The following CDK5RAP2 variants were observed in gnomAD, a reference collection of about 807,000 sequenced individuals.
The protein encoded by CDK5RAP2 is CDK5 regulatory subunit associated protein 2.
CDK5RAP2 carries 147 observed loss-of-function variants against 232.9 expected under a neutral mutation model. That is an observed-to-expected ratio of 0.63 (90% CI 0.55 to 0.72). CDK5RAP2 has a LOEUF of 0.72. Ranked by LOEUF, CDK5RAP2 falls within the 30% of genes least tolerant of loss-of-function variation. CDK5RAP2 has a pLI of 0.00. For missense variants in CDK5RAP2, 2,195 were observed against 2,231.5 expected (o/e 0.98, Z 0.33); for synonymous variants, 833 against 833.7 (o/e 1.00, Z 0.01).
At chr9:120,540,574 T>C (rs7875141) in intron 5 of CDK5RAP2, among the ~76,000 whole-genome samples, 129,000 of 152,198 alleles carry the variant, frequency 0.85, 55,639 homozygotes, top group Non-Finnish European at 0.93. Context: ...CAGTGTCATA[T>C]CATTTTAATG....
intron 2 of CDK5RAP2, among the ~76,000 whole-genome samples, chr9:120,570,959 C>T (rs117399073): frequency 0.015 from 2,290 of 152,238 alleles, 20 homozygotes; most frequent in Non-Finnish European, 0.023. Context: ...TCCAGGAATT[C>T]GAGACCAGAC....
chr9:120,397,544 TA>T (rs760469422), intron 35 of CDK5RAP2, among the ~76,000 whole-genome samples: 540 of 49,210 alleles, frequency 0.011, 2 homozygotes, highest in Non-Finnish European at 0.014. Flanking sequence ...AAAACATTCT[TA>T]AAAAAAAAAA....
Position 120,403,464 on chromosome 9 carries a change from G to A in CDK5RAP2, c.5042-393C>T. On this transcript the variant is annotated intron_variant, in intron 33 of 37. Transcript: ENST00000349780. This position sits in a 1 kb window ranked among gnomAD's most constrained non-coding sequence, Gnocchi z 4.2. ...CCAGAAAAAACAATTATCTGTGCAG[G>A]GAGGGAGAGAACAGGGAAGGCTTCT... The A allele has an allele frequency of 3.3e-6, 1 of 303,994 alleles. No individual in the cohort carries two copies. The highest frequency in any genetic ancestry group is 8.5e-5 in the East Asian group (1 of 11,768). 18.8% of individuals were successfully genotyped at this position (303,994 alleles called of 1,614,324 possible). A position where few individuals can be genotyped will look rare whatever the true frequency, so the allele number is the denominator to read the frequency against.
Position 120,448,612 on chromosome 9 carries a change from G to A in CDK5RAP2, c.2794-486C>T, listed in dbSNP as rs1019563868. Reference sequence around the variant, plus strand: ...GACATCTTCATTTGTAGTGACTTACGGGCACTACAGAGTCAACTGAAAATT... The same window carrying A: ...GACATCTTCATTTGTAGTGACTTACAGGCACTACAGAGTCAACTGAAAATT... On this transcript the variant is annotated intron_variant, in intron 21 of 37. Coordinates refer to ENST00000349780, the MANE Select transcript of CDK5RAP2 (RefSeq NM_018249.6). Among the ~76,000 whole-genome samples the A allele has an allele frequency of 7.9e-5, 12 of 151,980 alleles. No homozygotes were observed. In the East Asian group the frequency reaches 9.6e-4, roughly 12 times the overall value.
chr9:120,511,625 C>T (rs1438752052), intron 12 of CDK5RAP2, among the ~76,000 whole-genome samples: 10 of 152,022 alleles, frequency 6.6e-5, no homozygotes, highest in Admixed American at 4.6e-4. Context: ...GTTCATCTTA[C>T]AGACACTGCA....
chr9:120,494,640 G>T (rs779786897), intron 12 of CDK5RAP2, among the ~76,000 whole-genome samples: 1 of 152,032 alleles, frequency 6.6e-6, no homozygotes, highest in African/African-American at 2.4e-5. Context: ...GGAGGAAGAG[G>T]ACAGCTCTTC....
intron 12 of CDK5RAP2, among the ~76,000 whole-genome samples, chr9:120,516,449 T>G (rs545483844): frequency 6.6e-6 from 1 of 151,868 alleles, no homozygotes; most frequent in Non-Finnish European, 1.5e-5. Flanking sequence ...TACACCAACA[T>G]GGCACATGTA....
intron 9 of CDK5RAP2, 46 bp from the exon 10 acceptor site, chr9:120,527,971 CA>C: frequency 6.2e-7 from 1 of 1,608,108 alleles, no homozygotes; most frequent in Non-Finnish European, 8.5e-7. Flanking sequence ...GCGTTCCAAC[CA>C]AAATGCACCA....
intron 15 of CDK5RAP2, among the ~76,000 whole-genome samples, chr9:120,473,462 C>A (rs956456156): frequency 1.3e-5 from 2 of 152,230 alleles, no homozygotes; most frequent in Non-Finnish European, 2.9e-5. Flanking sequence ...GTGCCAGACT[C>A]CTCAAAGAAG....
At chr9:120,568,527 T>C in intron 2 of CDK5RAP2, 139 bp from the exon 3 acceptor site, 1 of 745,992 alleles carries the variant, frequency 1.3e-6, no homozygotes, top group Non-Finnish European at 2.5e-6. Context: ...TCTTTTGTGA[T>C]TTACTGATTT....
Position 120,499,662 on chromosome 9 carries a change from T to C in CDK5RAP2, c.1312-8185A>G, listed in dbSNP as rs756697031. ...ATCATGAATTATAAATGGCAGTAAATAGAAATTCAATTCTGGAGAAGGAAA... is the reference window on the plus strand; with the variant it reads ...ATCATGAATTATAAATGGCAGTAAACAGAAATTCAATTCTGGAGAAGGAAA... On this transcript the variant is annotated intron_variant, in intron 12 of 37. Coordinates refer to ENST00000349780, the MANE Select transcript of CDK5RAP2 (RefSeq NM_018249.6). Among the ~76,000 whole-genome samples, 10 of 152,240 alleles carry C rather than the reference T, an allele frequency of 6.6e-5. No individual in the cohort carries two copies. In the South Asian group the frequency reaches 1.9e-3, roughly 28 times the overall value.
chr9:120,413,366 G>C (rs927729795), intron 28 of CDK5RAP2, among the ~76,000 whole-genome samples: 1 of 152,210 alleles, frequency 6.6e-6, no homozygotes, highest in Non-Finnish European at 1.5e-5. Context: ...ATTCCACCTC[G>C]ATATTGTAAG....
At chr9:120,417,740 C>A (rs2034319445) in intron 27 of CDK5RAP2, among the ~76,000 whole-genome samples, 1 of 152,160 alleles carries the variant, frequency 6.6e-6, no homozygotes, top group African/African-American at 2.4e-5. Context: ...TAGAATAATG[C>A]CCTTTTGACA....
intron 1 of CDK5RAP2, among the ~76,000 whole-genome samples, chr9:120,574,590 T>C (rs2042961745): frequency 6.6e-6 from 1 of 152,196 alleles, no homozygotes. Flanking sequence ...ATGTGACACA[T>C]GGTGGAGTAC....
Position 120,580,156 on chromosome 9 carries a change from T to C in CDK5RAP2, c.-178A>G. 3.4e-6 allele frequency: 2 copies of C among 580,472 alleles called. No individual in the cohort carries two copies. Among genetic ancestry groups the C allele is most frequent in the Non-Finnish European group, 3.1e-6 (1 of 321,480 alleles). The allele number at this position is 580,472 out of a possible 1,614,324, so 36.0% of individuals were successfully genotyped here. A position where few individuals can be genotyped will look rare whatever the true frequency, so the allele number is the denominator to read the frequency against. On this transcript the variant is annotated 5_prime_UTR_variant, in exon 1 of 38. Coordinates refer to ENST00000349780, the MANE Select transcript of CDK5RAP2 (RefSeq NM_018249.6). ...CGCCGCCATCTTTCCCGGCGCTTCT[T>C]CCTACGGAAACGAGGCGGGGTCACG...
At chr9:120,497,290 C>G (rs1166291161) in intron 12 of CDK5RAP2, among the ~76,000 whole-genome samples, 2 of 126,868 alleles carry the variant, frequency 1.6e-5, no homozygotes, top group Non-Finnish European at 1.6e-5. Context: ...CCGCAGGGTC[C>G]TCTGCCTAGG....
intron 16 of CDK5RAP2, 51 bp downstream of exon 16, chr9:120,471,697 T>G (rs756912038): frequency 1.5e-5 from 24 of 1,613,240 alleles, no homozygotes; most frequent in Non-Finnish European, 2.0e-5. Context: ...GTTCAGTCCA[T>G]GCCCTCCAAG....
chr9:120,477,858 G>A (rs977997208), intron 14 of CDK5RAP2, among the ~76,000 whole-genome samples: 1 of 152,200 alleles, frequency 6.6e-6, no homozygotes, highest in Non-Finnish European at 1.5e-5. Context: ...GCAAGTACTG[G>A]GGACTAGGGA....
At chr9:120,576,266 T>C (rs2043027341) in intron 1 of CDK5RAP2, among the ~76,000 whole-genome samples, 2 of 152,208 alleles carry the variant, frequency 1.3e-5, no homozygotes, top group Admixed American at 6.5e-5. Flanking sequence ...TGACAAGAAG[T>C]GGAATTGCTG....
Sources: gnomAD v4.1 joint callset for allele counts (sites outside exome capture counted in the v4.1 genomes callset) on GRCh38, gnomAD v4.1.1 for gene constraint, Gnocchi (gnomAD v3.1) non-coding constraint, MANE v1.5 for transcripts, NCBI Gene and HGNC (gene_info 2026-07-23, HGNC 2026-07-21) for gene names.